The following BABAM2 variants were observed in gnomAD, a reference collection of about 807,000 sequenced individuals.
The protein encoded by BABAM2 is BRISC and BRCA1-A complex member 2.
BABAM2 carries 31 observed loss-of-function variants against 54.7 expected under a neutral mutation model. The ratio of observed to expected loss-of-function variants is 0.57; its 90% CI spans 0.43 to 0.77. The LOEUF (loss-of-function observed/expected upper bound fraction) is 0.77, where lower values mean the gene tolerates loss of function less well. Among genes scored for constraint, BABAM2 ranks in the 30% least tolerant of loss-of-function variants. BABAM2 has a pLI of 0.00. For synonymous variants in BABAM2, 167 were observed against 162.9 expected, an observed-to-expected ratio of 1.03 and a Z score of -0.19; for missense variants, 364 against 455.8, an observed-to-expected ratio of 0.80 and a Z score of 1.83.
At chr2:28,184,946 A>T (rs778889746) in intron 7 of BABAM2, among the ~76,000 whole-genome samples, 1 of 152,084 alleles carries the variant, frequency 6.6e-6, no homozygotes, top group African/African-American at 2.4e-5. Context: ...TATCTTGATA[A>T]TTTTTTTCTT....
chr2:28,286,769 C>T (rs1353452674), intron 10 of BABAM2, among the ~76,000 whole-genome samples: 1 of 152,184 alleles, frequency 6.6e-6, no homozygotes, highest in Non-Finnish European at 1.5e-5. Flanking sequence ...TCGTCCTCGT[C>T]TCCTTTCCTG....
At chr2:28,279,596 A>G (rs1686170631) in intron 10 of BABAM2, among the ~76,000 whole-genome samples, 1 of 149,846 alleles carries the variant, frequency 6.7e-6, no homozygotes, top group Non-Finnish European at 1.5e-5. Flanking sequence ...GAAATCCCCA[A>G]CTTCTGTATT....
intron 7 of BABAM2, among the ~76,000 whole-genome samples, chr2:28,198,452 C>A (rs1677875065): frequency 6.6e-6 from 1 of 152,086 alleles, no homozygotes; most frequent in South Asian, 2.1e-4. Flanking sequence ...AGGCGTGAGC[C>A]ACCGCGCCTG....
intron 6 of BABAM2, among the ~76,000 whole-genome samples, chr2:28,098,094 A>G (rs887940321): frequency 2.0e-5 from 3 of 152,188 alleles, no homozygotes; most frequent in Non-Finnish European, 2.9e-5. Flanking sequence ...ACCAATATCA[A>G]GTTCTGTAAA....
At chr2:28,288,178 C>T (rs534465428) in intron 10 of BABAM2, among the ~76,000 whole-genome samples, 1 of 152,224 alleles carries the variant, frequency 6.6e-6, no homozygotes, top group South Asian at 2.1e-4. Flanking sequence ...GGGGCGCCCT[C>T]CAGACAGGGA....
rs573353928 is a variant in BABAM2 at position 28,312,128 on chromosome 2, A to G, written c.1088+13637A>G. On this transcript the variant is annotated intron_variant, in intron 11 of 11. Coordinates refer to ENST00000379624, the MANE Select transcript of BABAM2 (RefSeq NM_199191.3). ...CAGGAGGGCCAAGCCGCTTGTTTCT[A>G]TCACTTCTCATTAAGGCATGAATTC... 8.3e-4 allele frequency among the ~76,000 whole-genome samples: 127 copies of G among 152,318 alleles called. 1 individual carries two copies. Among genetic ancestry groups the G allele is most frequent in the Admixed American group, 8.5e-4 (13 of 15,304 alleles).
chr2:28,172,396 C>G (rs1400707580), intron 7 of BABAM2, among the ~76,000 whole-genome samples: 1 of 152,152 alleles, frequency 6.6e-6, no homozygotes, highest in Non-Finnish European at 1.5e-5. Flanking sequence ...TGGCTCCCTA[C>G]CCACCCCGTG....
At chr2:28,152,486 T>C (rs1672147310) in intron 7 of BABAM2, among the ~76,000 whole-genome samples, 1 of 152,092 alleles carries the variant, frequency 6.6e-6, no homozygotes, top group African/African-American at 2.4e-5. Flanking sequence ...GGAGGGGAAA[T>C]TGCAGGAGCT....
chr2:28,096,964 C>T (rs1666685210), intron 6 of BABAM2, among the ~76,000 whole-genome samples: 1 of 152,146 alleles, frequency 6.6e-6, no homozygotes, highest in African/African-American at 2.4e-5. Flanking sequence ...GAAAATGTAT[C>T]TCCATGCTTA....
intron 6 of BABAM2, among the ~76,000 whole-genome samples, chr2:28,083,713 T>C (rs576885562): frequency 6.6e-6 from 1 of 152,280 alleles, no homozygotes; most frequent in Admixed American, 6.5e-5. Context: ...AGTGTTTGTG[T>C]TCCTGAGGTC....
intron 6 of BABAM2, among the ~76,000 whole-genome samples, chr2:28,123,207 C>T (rs557049472): frequency 1.3e-3 from 200 of 152,248 alleles, no homozygotes; most frequent in African/African-American, 4.6e-3. Flanking sequence ...ATCTCCCAGC[C>T]TGCCAGGAAC....
chr2:28,045,928 C>A, intron 6 of BABAM2, 129 bp downstream of exon 6: 1 of 721,558 alleles, frequency 1.4e-6, no homozygotes, highest in Non-Finnish European at 2.1e-6. Flanking sequence ...ATATTTCTTA[C>A]ATGAAGTTCC....
rs922846811 is a variant in BABAM2 at position 28,244,690 on chromosome 2, C to T, written c.852-90C>T. The T allele has an allele frequency of 5.5e-5, 68 of 1,240,654 alleles. No individual in the cohort carries two copies. The African/African-American group carries it at 6.5e-4, about 12-fold the overall frequency. 76.9% of individuals were successfully genotyped at this position (1,240,654 alleles called of 1,614,324 possible). On this transcript the variant is annotated intron_variant, in intron 9 of 11. Coordinates refer to ENST00000379624, the MANE Select transcript of BABAM2 (RefSeq NM_199191.3). Reference sequence around the variant, plus strand: ...CTCAAAGTCAATAACCCTGACTTCACGAATATATTCTTTACTTGGTTTTAT... The same window carrying T: ...CTCAAAGTCAATAACCCTGACTTCATGAATATATTCTTTACTTGGTTTTAT...
At chr2:28,129,939 G>A (rs1163728209) in intron 7 of BABAM2, among the ~76,000 whole-genome samples, 4 of 152,216 alleles carry the variant, frequency 2.6e-5, no homozygotes, top group Non-Finnish European at 5.9e-5. Context: ...TATCGCATTT[G>A]TGTTATAACC....
At chr2:28,046,450 A>G (rs776535045) in intron 6 of BABAM2, among the ~76,000 whole-genome samples, 6 of 152,150 alleles carry the variant, frequency 3.9e-5, no homozygotes, top group Non-Finnish European at 7.4e-5. Context: ...ATAGAGTGAG[A>G]CTCCATCTCA....
intron 7 of BABAM2, among the ~76,000 whole-genome samples, chr2:28,197,029 T>C (rs756794909): frequency 3.3e-5 from 5 of 151,592 alleles, no homozygotes; most frequent in Non-Finnish European, 5.9e-5. Flanking sequence ...GTATTTTTTA[T>C]AGAGATGGGA....
At position 28,135,842 on chromosome 2, in the gene BABAM2, T is replaced by G. The variant is rs563050993; in HGVS notation, c.680+6462T>G. ...CTACTATCATTACCTAGTTCAGTCT[T>G]CCAGTTGCCATGGGTCCTGAGGGGC... is the stretch of plus-strand genomic sequence containing the variant. On this transcript the variant is annotated intron_variant, in intron 7 of 11. Transcript: ENST00000379624. Among the ~76,000 whole-genome samples, 11 of 152,254 alleles carry G rather than the reference T, an allele frequency of 7.2e-5. No individual in the cohort carries two copies. In the South Asian group the frequency reaches 2.3e-3, roughly 32 times the overall value.
At chr2:27,938,653 G>A (rs948093943) in intron 3 of BABAM2, among the ~76,000 whole-genome samples, 21 of 152,050 alleles carry the variant, frequency 1.4e-4, no homozygotes, top group African/African-American at 4.8e-4. Flanking sequence ...GCCTCCCAAA[G>A]TGCTGAGATT....
intron 11 of BABAM2, among the ~76,000 whole-genome samples, chr2:28,318,507 T>G (rs879780887): frequency 4.6e-5 from 7 of 152,176 alleles, no homozygotes; most frequent in Admixed American, 2.0e-4. Flanking sequence ...GGTTTTCAAA[T>G]CCAGCGTTCT....
Sources: allele counts gnomAD v4.1 joint callset (sites outside exome capture counted in the v4.1 genomes callset), GRCh38; gene constraint gnomAD v4.1.1; transcripts MANE v1.5; gene names NCBI Gene and HGNC (gene_info 2026-07-23, HGNC 2026-07-21).